CDKAL1: variants seen among roughly 807,000 people sequenced by gnomAD.
The protein encoded by CDKAL1 is threonylcarbamoyladenosine tRNA methylthiotransferase.
A neutral mutation model predicts 68.2 loss-of-function variants in CDKAL1; 32 were observed. That is an observed-to-expected ratio of 0.47 (90% CI 0.35 to 0.63). CDKAL1 has a LOEUF of 0.63. Among genes scored for constraint, CDKAL1 ranks in the 30% least tolerant of loss-of-function variants. The probability of loss-of-function intolerance (pLI) is 0.00; values close to 1 mark genes in which losing one functional copy is unlikely to be tolerated. For synonymous variants in CDKAL1, 234 were observed against 244.3 expected, an observed-to-expected ratio of 0.96 and a Z score of 0.39; for missense variants, 606 against 696.7, an observed-to-expected ratio of 0.87 and a Z score of 1.47.
intron 2 of CDKAL1, among the ~76,000 whole-genome samples, chr6:20,543,293 A>T (rs1763458975): frequency 6.6e-6 from 1 of 152,240 alleles, no homozygotes; most frequent in Non-Finnish European, 1.5e-5. Flanking sequence ...GGACTGTATG[A>T]ATGATGCAGT....
At chr6:20,926,925 T>TATA (rs1554141510) in intron 9 of CDKAL1, among the ~76,000 whole-genome samples, 7 of 147,078 alleles carry the variant, frequency 4.8e-5, no homozygotes, top group South Asian at 2.1e-4. Context: ...ATATATATTT[T>TATA]TATATATATA....
chr6:21,061,389 G>A (rs1022606383), intron 11 of CDKAL1, among the ~76,000 whole-genome samples: 4 of 151,946 alleles, frequency 2.6e-5, no homozygotes, highest in African/African-American at 9.7e-5. Flanking sequence ...ATACTAGTAT[G>A]AAAACATACA....
intron 13 of CDKAL1, among the ~76,000 whole-genome samples, chr6:21,129,711 AAAT>A (rs1035066471): frequency 1.3e-5 from 2 of 151,374 alleles, no homozygotes; most frequent in African/African-American, 4.8e-5. Context: ...AAAAAGGAAA[AAAT>A]GGAGTAATTG....
At chr6:20,716,089 T>C (rs1374028412) in intron 5 of CDKAL1, among the ~76,000 whole-genome samples, 1 of 152,204 alleles carries the variant, frequency 6.6e-6, no homozygotes, top group Non-Finnish European at 1.5e-5. Flanking sequence ...TAAAGAGTTA[T>C]TTGGCACTTG....
At chr6:20,748,555 G>GAAAAAAAAAAAAAAAAAAAAAA (rs760404728) in intron 6 of CDKAL1, among the ~76,000 whole-genome samples, 1 of 28,764 alleles carries the variant, frequency 3.5e-5, no homozygotes, top group Non-Finnish European at 6.8e-5. Context: ...TCTGTTTCTG[G>GAAAAAAAAAAAAAAAAAAAAAA]AAAAAAAAAA....
At chr6:21,136,834 T>TTTTC (rs1165460492) in intron 13 of CDKAL1, among the ~76,000 whole-genome samples, 1 of 152,194 alleles carries the variant, frequency 6.6e-6, no homozygotes, top group African/African-American at 2.4e-5. Flanking sequence ...GTCCAGTGCT[T>TTTTC]TTTCCTTCAT....
chr6:21,172,059 A>G (rs1297662886), intron 13 of CDKAL1, among the ~76,000 whole-genome samples: 1 of 152,204 alleles, frequency 6.6e-6, no homozygotes, highest in African/African-American at 2.4e-5. Context: ...ACTGATACAT[A>G]TGCAGATTTT....
chr6:20,772,806 A>G (rs1232692258), intron 7 of CDKAL1: 1 of 152,156 alleles, frequency 6.6e-6, no homozygotes, highest in Non-Finnish European at 1.5e-5. Flanking sequence ...TCAGATTTCT[A>G]GGGATTTAAA....
intron 4 of CDKAL1, among the ~76,000 whole-genome samples, chr6:20,572,796 GAA>G (rs77754079): frequency 2.7e-5 from 4 of 149,328 alleles, no homozygotes; most frequent in Non-Finnish European, 4.5e-5. Context: ...TTTTTAGATG[GAA>G]AAAAAAAATC....
Position 20,907,655 on chromosome 6 carries a change from A to G in CDKAL1, c.743-47764A>G, listed in dbSNP as rs996925314. 9.2e-5 allele frequency among the ~76,000 whole-genome samples: 14 copies of G among 152,282 alleles called. No individual in the cohort carries two copies. In the East Asian group the frequency reaches 2.1e-3, roughly 23 times the overall value. Reference sequence around the variant, plus strand: ...AGCCATGGGACTAAGGGTTTATTACAGGAATGAGAGCTCCCCCGTGTGTGA... The same window carrying G: ...AGCCATGGGACTAAGGGTTTATTACGGGAATGAGAGCTCCCCCGTGTGTGA... On this transcript the variant is annotated intron_variant, in intron 9 of 15. Transcript: ENST00000274695.
intron 8 of CDKAL1, among the ~76,000 whole-genome samples, chr6:20,785,391 C>G (rs755689365): frequency 1.0e-4 from 15 of 146,954 alleles, no homozygotes; most frequent in Non-Finnish European, 2.2e-4. Context: ...TCTTGGCTCA[C>G]TGCAACCTCC....
chr6:21,226,725 G>A (rs965419483), intron 15 of CDKAL1, among the ~76,000 whole-genome samples: 12 of 151,818 alleles, frequency 7.9e-5, no homozygotes, highest in African/African-American at 2.4e-4. Flanking sequence ...GTTTTGTTTT[G>A]TTTTTGAGAT....
chr6:20,758,622 G>A lies in CDKAL1; in HGVS notation c.496G>A (p.Val166Ile). The change falls in exon 7 of 16, where the codon GTT becomes ATT. Residue 166 changes from valine to isoleucine, a missense_variant. Transcript: ENST00000274695. ...TCAGCAGATAGATCGTGTGGTAGAA[G>A]TTGTGGAGGAGACAATTAAAGGTAA... ...GVQQIDRVVE[V>I]VEETIKGHSV... The A allele has an allele frequency of 6.8e-6, 11 of 1,608,818 alleles. No individual in the cohort carries two copies. Among genetic ancestry groups the A allele is most frequent in the Non-Finnish European group, 9.3e-6 (11 of 1,177,476 alleles).
At chr6:20,668,046 T>G (rs1279109299) in intron 5 of CDKAL1, among the ~76,000 whole-genome samples, 1 of 151,976 alleles carries the variant, frequency 6.6e-6, no homozygotes, top group Non-Finnish European at 1.5e-5. Flanking sequence ...CTTTCGCTTC[T>G]TCTCTCTCCT....
At chr6:21,142,736 C>A (rs577892835) in intron 13 of CDKAL1, among the ~76,000 whole-genome samples, 1 of 152,228 alleles carries the variant, frequency 6.6e-6, no homozygotes, top group Non-Finnish European at 1.5e-5. Flanking sequence ...AATACTGCAG[C>A]CTTAAAGAGT....
At chr6:21,179,662 G>A (rs1336597737) in intron 13 of CDKAL1, among the ~76,000 whole-genome samples, 2 of 152,128 alleles carry the variant, frequency 1.3e-5, no homozygotes, top group Non-Finnish European at 2.9e-5. Context: ...CAGCATTTTT[G>A]TTTGCTGCAG....
At chr6:21,042,839 T>C (rs1283437384) in intron 11 of CDKAL1, among the ~76,000 whole-genome samples, 1 of 152,174 alleles carries the variant, frequency 6.6e-6, no homozygotes. Flanking sequence ...TTAGCTATAT[T>C]ACGATACTCC....
In CDKAL1 at chr6:20,914,261, G is replaced by A. The variant is rs942824788; in HGVS notation, c.743-41158G>A. Among the ~76,000 whole-genome samples the A allele has an allele frequency of 5.9e-5, 9 of 152,214 alleles. No homozygotes were observed. In the South Asian group the frequency reaches 8.3e-4, roughly 14 times the overall value. On this transcript the variant is annotated intron_variant, in intron 9 of 15. Transcript: ENST00000274695. The stretch of plus-strand genomic sequence containing the variant: ...GCCAGGACTGTGCCACTGCACTCCC[G>A]CCTGGGTGACAGAGTGAGACTCCAT...
At chr6:20,813,568 C>T (rs970403330) in intron 8 of CDKAL1, among the ~76,000 whole-genome samples, 2 of 152,160 alleles carry the variant, frequency 1.3e-5, no homozygotes, top group Non-Finnish European at 2.9e-5. Flanking sequence ...CCTAGAAATT[C>T]TGTAATGTTA....
Sources: gnomAD v4.1 joint callset for allele counts (sites outside exome capture counted in the v4.1 genomes callset) on GRCh38, gnomAD v4.1.1 for gene constraint, MANE v1.5 for transcripts, NCBI Gene and HGNC (gene_info 2026-07-23, HGNC 2026-07-21) for gene names.